The following CACNA2D1 variants were observed in gnomAD, a reference collection of about 807,000 sequenced individuals.
The protein encoded by CACNA2D1 is voltage-dependent calcium channel subunit alpha-2/delta-1.
Under a neutral mutation model 171.5 loss-of-function variants are expected in CACNA2D1, and 53 were observed. That is an observed-to-expected ratio of 0.31 (90% CI 0.25 to 0.39). CACNA2D1 has a LOEUF of 0.39. Among genes scored for constraint, CACNA2D1 ranks in the 10% least tolerant of loss-of-function variants. The pLI, the probability that CACNA2D1 is intolerant of heterozygous loss-of-function variation, is 1.00. For synonymous variants in CACNA2D1, 442 were observed against 443.1 expected (o/e 1.00, Z 0.03); for missense variants, 903 against 1,299.8 (o/e 0.69, Z 4.69).
chr7:82,038,042 A>C, intron 11 of CACNA2D1, 35 bp downstream of exon 11: 1 of 1,605,280 alleles, frequency 6.2e-7, no homozygotes, highest in Admixed American at 1.7e-5. Context: ...ACAATTGAAC[A>C]ACAACAACAA....
At chr7:81,966,968 A>G (rs2130360327) in intron 31 of CACNA2D1, among the ~76,000 whole-genome samples, 1 of 151,646 alleles carries the variant, frequency 6.6e-6, no homozygotes, top group African/African-American at 2.4e-5. Context: ...CCAAGGATAC[A>G]TACATATTTT....
At chr7:82,130,301 T>C (rs1224599606) in intron 5 of CACNA2D1, among the ~76,000 whole-genome samples, 2 of 152,136 alleles carry the variant, frequency 1.3e-5, no homozygotes, top group Non-Finnish European at 2.9e-5. Flanking sequence ...GGAGAAACTT[T>C]CATTTCACTG....
intron 9 of CACNA2D1, among the ~76,000 whole-genome samples, chr7:82,060,736 G>A (rs1806786127): frequency 6.6e-6 from 1 of 151,790 alleles, no homozygotes; most frequent in South Asian, 2.1e-4. Context: ...CCCAATATCA[G>A]TATGTGTACA....
chr7:82,321,154 T>A (rs949682270), intron 3 of CACNA2D1, among the ~76,000 whole-genome samples: 3 of 152,124 alleles, frequency 2.0e-5, no homozygotes, highest in South Asian at 2.1e-4. Flanking sequence ...ACCCCAGCAC[T>A]TTGGGAGGCC....
intron 23 of CACNA2D1, 30 bp downstream of exon 23, chr7:81,983,284 A>G: frequency 6.3e-7 from 1 of 1,582,436 alleles, no homozygotes; most frequent in South Asian, 1.1e-5. Context: ...TACTAAACAG[A>G]AAGAAGTTGA....
intron 5 of CACNA2D1, among the ~76,000 whole-genome samples, chr7:82,120,153 G>C (rs1412872053): frequency 6.6e-6 from 1 of 152,184 alleles, no homozygotes; most frequent in Non-Finnish European, 1.5e-5. Context: ...CTCCACTCTA[G>C]CCTGGGTGAC....
chr7:82,221,020 C>T (rs117797176), intron 3 of CACNA2D1, among the ~76,000 whole-genome samples: 1,600 of 152,244 alleles, frequency 0.011, 22 homozygotes, highest in East Asian at 0.072. Flanking sequence ...GCATGATCTG[C>T]CCACCTTGGG....
intron 1 of CACNA2D1, among the ~76,000 whole-genome samples, chr7:82,404,957 A>G (rs138077507): frequency 9.2e-5 from 14 of 152,344 alleles, no homozygotes; most frequent in Middle Eastern, 3.4e-3. Flanking sequence ...TAAAGCATGT[A>G]AGACACTTTC....
At chr7:81,955,116 T>C (rs527413197) in intron 38 of CACNA2D1, among the ~76,000 whole-genome samples, 1 of 152,306 alleles carries the variant, frequency 6.6e-6, no homozygotes, top group Admixed American at 6.5e-5. Flanking sequence ...CATAAACTTG[T>C]TATCAAAAAG....
chr7:82,418,978 C>T (rs1330348409), intron 1 of CACNA2D1, among the ~76,000 whole-genome samples: 2 of 151,960 alleles, frequency 1.3e-5, no homozygotes, highest in Non-Finnish European at 2.9e-5. Context: ...GGCGCGGTGG[C>T]GGGCACCTGT....
intron 1 of CACNA2D1, among the ~76,000 whole-genome samples, chr7:82,387,505 C>G (rs1437925436): frequency 1.3e-5 from 2 of 152,100 alleles, no homozygotes; most frequent in African/African-American, 4.8e-5. Context: ...TCTTTAAATT[C>G]ACAAATGTTT....
intron 3 of CACNA2D1, among the ~76,000 whole-genome samples, chr7:82,267,627 C>T (rs1210843086): frequency 6.6e-6 from 1 of 152,178 alleles, no homozygotes; most frequent in Non-Finnish European, 1.5e-5. Context: ...TCACCTCATA[C>T]TTTTCCTCAT....
chr7:82,364,391 T>G (rs1482998468), intron 1 of CACNA2D1, among the ~76,000 whole-genome samples: 1 of 152,156 alleles, frequency 6.6e-6, no homozygotes, highest in Non-Finnish European at 1.5e-5. Context: ...CCTGCATTGT[T>G]GTCCACCTGT....
chr7:82,376,568 T>G (rs1823036424), intron 1 of CACNA2D1, among the ~76,000 whole-genome samples: 1 of 152,244 alleles, frequency 6.6e-6, no homozygotes, highest in African/African-American at 2.4e-5. Flanking sequence ...TCTTCTCATC[T>G]GAAAGGAACA....
intron 1 of CACNA2D1, among the ~76,000 whole-genome samples, chr7:82,417,744 A>T (rs1455435894): frequency 6.6e-6 from 1 of 152,188 alleles, no homozygotes; most frequent in East Asian, 1.9e-4. Context: ...CGTTTACCAA[A>T]TTTGTCTGTA....
Position 81,949,849 on chromosome 7 carries a change from A to G in CACNA2D1, c.*543T>C, listed in dbSNP as rs1792326923. 1 of 152,516 alleles carries G rather than the reference A, an allele frequency of 6.6e-6. No individual in the cohort carries two copies. Among genetic ancestry groups the G allele is most frequent in the Admixed American group, 6.5e-5 (1 of 15,298 alleles). 9.4% of individuals were successfully genotyped at this position (152,516 alleles called of 1,614,324 possible). On this transcript the variant is annotated 3_prime_UTR_variant, in exon 39 of 39. Coordinates refer to ENST00000356860, the MANE Select transcript of CACNA2D1 (RefSeq NM_000722.4). Reference sequence around the variant, plus strand: ...GCATTTTATTCATGGCAAATTTTTCATAGAAAATTAGCCATTATTTATATT... The same window carrying G: ...GCATTTTATTCATGGCAAATTTTTCGTAGAAAATTAGCCATTATTTATATT...
chr7:82,155,202 A>C (rs575668967), intron 4 of CACNA2D1, among the ~76,000 whole-genome samples: 1 of 152,190 alleles, frequency 6.6e-6, no homozygotes, highest in Non-Finnish European at 1.5e-5. Flanking sequence ...TGGAACCATA[A>C]GCCAGTTAAA....
intron 10 of CACNA2D1, among the ~76,000 whole-genome samples, chr7:82,046,807 C>T (rs1347283056): frequency 3.9e-5 from 6 of 152,090 alleles, no homozygotes; most frequent in Admixed American, 3.9e-4. Flanking sequence ...TCAAACATTT[C>T]AATAAATATT....
intron 24 of CACNA2D1, among the ~76,000 whole-genome samples, chr7:81,977,208 A>AT (rs1795943157): frequency 6.6e-6 from 1 of 152,084 alleles, no homozygotes; most frequent in Admixed American, 6.6e-5. Context: ...ATCTCTTATT[A>AT]TTTTGAGATA....
Sources: gnomAD v4.1 joint callset for allele counts (sites outside exome capture counted in the v4.1 genomes callset) on GRCh38, gnomAD v4.1.1 for gene constraint, MANE v1.5 for transcripts, NCBI Gene and HGNC (gene_info 2026-07-23, HGNC 2026-07-21) for gene names.